The following ABCA5 variants were observed in gnomAD, a reference collection of about 807,000 sequenced individuals.
The protein encoded by ABCA5 is ATP binding cassette subfamily A member 5, also known as cholesterol transporter ABCA5.
In ABCA5, 163 loss-of-function variants were observed where a neutral mutation model predicts 206.0. The observed-to-expected ratio is 0.79, with a 90% confidence interval of 0.70 to 0.90. The LOEUF (loss-of-function observed/expected upper bound fraction) is 0.90. Ranked by LOEUF, ABCA5 falls within the 40% of genes least tolerant of loss-of-function variation. ABCA5 has a pLI of 0.00. For missense variants in ABCA5, 1,859 were observed against 1,912.9 expected (o/e 0.97, Z 0.53); for synonymous variants, 609 against 613.8 (o/e 0.99, Z 0.11).
intron 29 of ABCA5, 118 bp from the exon 30 acceptor site, chr17:69,255,968 C>T (rs1185414688): frequency 6.4e-6 from 7 of 1,092,638 alleles, no homozygotes; most frequent in Non-Finnish European, 7.6e-6. Flanking sequence ...GGATACTGTA[C>T]AAATAAATAT....
intron 11 of ABCA5, 21 bp from the exon 12 acceptor site, chr17:69,291,347 A>C: frequency 1.4e-6 from 2 of 1,471,262 alleles, no homozygotes; most frequent in Non-Finnish European, 1.9e-6. Context: ...AAAAAAGAAG[A>C]CTCAAATGTA....
chr17:69,256,973 A>C lies in ABCA5; in HGVS notation c.3732-690T>G, dbSNP rs2075090408. Among the ~76,000 whole-genome samples, 2 of 152,122 alleles carry C rather than the reference A, an allele frequency of 1.3e-5. 1 individual carries two copies. The highest frequency in any genetic ancestry group is 4.1e-4 in the South Asian group (2 of 4,830). ...GTAGAGGGTTGACATCAGAACCCACAGTAACACCATTTTTAGGGATAGACA... is the reference window on the plus strand; with the variant it reads ...GTAGAGGGTTGACATCAGAACCCACCGTAACACCATTTTTAGGGATAGACA... On this transcript the variant is annotated intron_variant, in intron 28 of 38. Transcript: ENST00000392676.
intron 11 of ABCA5, among the ~76,000 whole-genome samples, chr17:69,292,210 A>G (rs1007110077): frequency 3.9e-5 from 6 of 152,208 alleles, no homozygotes; most frequent in African/African-American, 1.2e-4. Flanking sequence ...AAGTTAAAAT[A>G]AGAAAGGGAA....
intron 24 of ABCA5, 89 bp from the exon 25 acceptor site, chr17:69,261,837 A>T (rs1489102953): frequency 4.0e-6 from 2 of 498,536 alleles, no homozygotes; most frequent in Non-Finnish European, 7.0e-6. Context: ...ATATGAAATT[A>T]TTAATATAAT....
chr17:69,298,106 A>G (rs2075602430), intron 9 of ABCA5, among the ~76,000 whole-genome samples: 1 of 152,060 alleles, frequency 6.6e-6, no homozygotes, highest in Non-Finnish European at 1.5e-5. Context: ...GGATCACTTG[A>G]GCCCAGGAGG....
chr17:69,315,782 C>CAAA (rs60830676), intron 1 of ABCA5, among the ~76,000 whole-genome samples: 9 of 132,514 alleles, frequency 6.8e-5, no homozygotes, highest in East Asian at 4.2e-4. Context: ...GGATCCGCCT[C>CAAA]AAAAAAAAAA....
intron 37 of ABCA5, chr17:69,249,616 TA>T (rs140662252): frequency 0.047 from 17,019 of 361,248 alleles, 552 homozygotes; most frequent in Non-Finnish European, 0.065. Flanking sequence ...CTAAAAATTG[TA>T]AAAGGTTTAC....
chr17:69,304,089 G>C (rs2075690968), intron 7 of ABCA5: 1 of 151,142 alleles, frequency 6.6e-6, no homozygotes. Flanking sequence ...AATTACATAT[G>C]GAAGTATGTT....
At chr17:69,251,642 A>T in intron 35 of ABCA5, 105 bp downstream of exon 35, 1 of 1,447,320 alleles carries the variant, frequency 6.9e-7, no homozygotes, top group Non-Finnish European at 9.1e-7. Flanking sequence ...AAACTAAAAT[A>T]TTTAACATTT....
chr17:69,280,437 C>G lies in ABCA5; in HGVS notation c.2393-2595G>C, dbSNP rs112527626. Among the ~76,000 whole-genome samples, 363 of 149,990 alleles carry G rather than the reference C, an allele frequency of 2.4e-3. 2 individuals are homozygous for G. The highest frequency in any genetic ancestry group is 3.4e-3 in the Middle Eastern group (1 of 294). On this transcript the variant is annotated intron_variant, in intron 18 of 38. Transcript: ENST00000392676. ...AGGAACACTTTTACACTGTTGGTGG[C>G]ACTGTAAACTAGTTCAACCATTGTG...
chr17:69,312,466 CAAAG>C (rs2075779682), intron 3 of ABCA5, among the ~76,000 whole-genome samples: 1 of 152,116 alleles, frequency 6.6e-6, no homozygotes, highest in Non-Finnish European at 1.5e-5. Flanking sequence ...TTGTAGTCTC[CAAAG>C]TTAGGTACTT....
At position 69,304,831 on chromosome 17, in the gene ABCA5, T is replaced by C. The variant is rs1231252263; in HGVS notation, c.789-21A>G. The C allele has an allele frequency of 3.8e-6, 6 of 1,563,112 alleles. No homozygotes were observed. The East Asian group carries it at 6.9e-5, about 18-fold the overall frequency. ...AAAGCCTAAAATGAGAATACAGATA[T>C]AGTTATGGTCAAATGCATAGGCTTA... is the stretch of plus-strand genomic sequence containing the variant. On this transcript the variant is annotated intron_variant, in intron 6 of 38. Transcript: ENST00000392676.
chr17:69,253,986 T>C, intron 32 of ABCA5, 117 bp from the exon 33 acceptor site: 1 of 785,738 alleles, frequency 1.3e-6, no homozygotes, highest in Non-Finnish European at 2.0e-6. Context: ...AAGCTTATTA[T>C]AAGTAGGTAA....
chr17:69,261,599 C>A, intron 25 of ABCA5, 36 bp downstream of exon 25: 1 of 937,468 alleles, frequency 1.1e-6, no homozygotes, highest in Non-Finnish European at 1.6e-6. Context: ...AATTAAACTG[C>A]TATGGAAAGT....
chr17:69,294,814 GAAT>G (rs1412168594), intron 10 of ABCA5, 101 bp from the exon 11 acceptor site: 6 of 646,032 alleles, frequency 9.3e-6, no homozygotes, highest in Non-Finnish European at 1.2e-5. Flanking sequence ...CATTTTATAA[GAAT>G]AATAAAATAA....
In ABCA5 at chr17:69,246,854, A is replaced by G. The variant is rs1385774016; in HGVS notation, c.*683T>C. On this transcript the variant is annotated 3_prime_UTR_variant, in exon 39 of 39. Transcript: ENST00000392676. ...TACACACAGTCTTCCTTTAATTATA[A>G]TAACTAAAACCTTCTGAATTTTACT... The G allele has an allele frequency of 6.6e-6, 1 of 151,974 alleles. No individual in the cohort carries two copies. 9.4% of individuals were successfully genotyped at this position (151,974 alleles called of 1,614,324 possible).
chr17:69,245,404 T>C lies in ABCA5; in HGVS notation c.*2133A>G, dbSNP rs2144877686. On this transcript the variant is annotated 3_prime_UTR_variant, in exon 39 of 39. Coordinates refer to ENST00000392676, the MANE Select transcript of ABCA5 (RefSeq NM_172232.4). ...ACATAGAAAAAAGTTTTGAGATCAG[T>C]AATTTAAGACATTTTAAAATTAGTA... 1 of 152,080 alleles carries C rather than the reference T, an allele frequency of 6.6e-6. No individual in the cohort carries two copies. Among genetic ancestry groups the C allele is most frequent in the South Asian group, 2.1e-4 (1 of 4,830 alleles). 9.4% of individuals were successfully genotyped at this position (152,080 alleles called of 1,614,324 possible). A position where few individuals can be genotyped will look rare whatever the true frequency, so the allele number is the denominator to read the frequency against.
intron 19 of ABCA5, among the ~76,000 whole-genome samples, chr17:69,274,662 T>C (rs1314176940): frequency 6.6e-6 from 1 of 152,026 alleles, no homozygotes; most frequent in African/African-American, 2.4e-5. Flanking sequence ...AAGCCAATAC[T>C]GTACGACAAA....
rs2075189899 is a variant in ABCA5 at position 69,264,794 on chromosome 17, C to T, written c.3256G>A (p.Gly1086Arg). The T allele has an allele frequency of 6.3e-7, 1 of 1,596,086 alleles. No individual in the cohort carries two copies. The highest frequency in any genetic ancestry group is 8.5e-7 in the Non-Finnish European group (1 of 1,171,620). ...CCATAATGAAATGCCAATAAGCTTC[C>T]TAGCATCAAAATAAGAATGATAAAA... is the stretch of plus-strand genomic sequence containing the variant. ...LFFIILILMLGSLLAFHYGLY... is the reference protein window; with the variant it reads ...LFFIILILMLRSLLAFHYGLY... Residue 1086 changes from glycine (G) to arginine (R), a missense_variant, in exon 24 of 39, where the codon GGA (glycine) becomes AGA (arginine). Coordinates refer to ENST00000392676, the MANE Select transcript of ABCA5 (RefSeq NM_172232.4).
Sources: allele counts gnomAD v4.1 joint callset (sites outside exome capture counted in the v4.1 genomes callset), GRCh38; gene constraint gnomAD v4.1.1; transcripts MANE v1.5; gene names NCBI Gene and HGNC (gene_info 2026-07-23, HGNC 2026-07-21).